The following CDS1 variants were observed in gnomAD, a reference collection of about 807,000 sequenced individuals.
CDS1 encodes the protein phosphatidate cytidylyltransferase 1.
A neutral mutation model predicts 62.1 loss-of-function variants in CDS1; 41 were observed. The observed-to-expected ratio is 0.66, with a 90% confidence interval of 0.51 to 0.86. The LOEUF (loss-of-function observed/expected upper bound fraction) is 0.86, where lower values mean the gene tolerates loss of function less well. Among genes scored for constraint, CDS1 ranks in the 40% least tolerant of loss-of-function variants. The probability of loss-of-function intolerance (pLI) is 0.00; values close to 1 mark genes in which losing one functional copy is unlikely to be tolerated. For missense variants in CDS1, 470 were observed against 550.1 expected, an observed-to-expected ratio of 0.85 and a Z score of 1.46; for synonymous variants, 185 against 192.6, an observed-to-expected ratio of 0.96 and a Z score of 0.32.
intron 6 of CDS1, 135 bp downstream of exon 6, chr4:84,632,012 A>G: frequency 1.7e-6 from 1 of 572,424 alleles, no homozygotes; most frequent in Non-Finnish European, 3.2e-6. Context: ...TGGATTTCAG[A>G]TGACCATTAG....
At position 84,619,481 on chromosome 4, in the gene CDS1, T is replaced by A. The variant is rs1205735010; in HGVS notation, c.528T>A (p.Leu176=). 1 of 1,604,518 alleles carries A rather than the reference T, an allele frequency of 6.2e-7. No homozygotes were observed. Among genetic ancestry groups the A allele is most frequent in the Admixed American group, 1.7e-5 (1 of 59,570 alleles). ...CATTTGTTCAAAGAGAAGAACAACTTCAGTTCCTCATTCGCTACCATAGAT... is the reference window on the plus strand; with the variant it reads ...CATTTGTTCAAAGAGAAGAACAACTACAGTTCCTCATTCGCTACCATAGAT... ...FATFVQREEQ[L]QFLIRYHRFI... Residue 176 remains leucine, a synonymous_variant, in exon 5 of 13, where the codon CTT becomes CTA. Transcript: ENST00000295887.
At chr4:84,590,020 C>T (rs769653631) in intron 1 of CDS1, among the ~76,000 whole-genome samples, 4 of 152,104 alleles carry the variant, frequency 2.6e-5, no homozygotes, top group Non-Finnish European at 5.9e-5. Flanking sequence ...ACAGTGTTAG[C>T]CAGGACGATC....
chr4:84,635,192 C>A, intron 7 of CDS1, 72 bp from the exon 8 acceptor site: 2 of 741,828 alleles, frequency 2.7e-6, no homozygotes, highest in Non-Finnish European at 4.6e-6. Flanking sequence ...TGAATCATAA[C>A]CTTTCCGAAT....
chr4:84,633,912 T>G lies in CDS1; in HGVS notation c.695T>G (p.Ile232Ser). The change falls in exon 7 of 13, where the codon ATC becomes AGC. Residue 232 changes from isoleucine (I) to serine (S), a missense_variant. Physicochemically the swap from Ile to Ser is moderately radical, Grantham distance 142 (BLOSUM62 -2). Transcript: ENST00000295887. ...ACTGTCACTCAGTCACACCTTGTCA[T>G]CCAAAATCTGTTTGAAGGCATGATA... ...LITVTQSHLV[I>S]QNLFEGMIWF... 1.9e-6 allele frequency: 3 copies of G among 1,604,304 alleles called. No individual in the cohort carries two copies. The highest frequency in any genetic ancestry group is 1.7e-6 in the Non-Finnish European group (2 of 1,174,594).
At position 84,590,018 on chromosome 4, in the gene CDS1, A is replaced by G. The variant is rs373621419; in HGVS notation, c.117+6500A>G. ...AGTAGAGACGGGGTTTCACAGTGTTAGCCAGGACGATCTCAATCTCCTGAC... is the reference window on the plus strand; with the variant it reads ...AGTAGAGACGGGGTTTCACAGTGTTGGCCAGGACGATCTCAATCTCCTGAC... On this transcript the variant is annotated intron_variant, in intron 1 of 12. Transcript: ENST00000295887. 1.7e-4 allele frequency among the ~76,000 whole-genome samples: 26 copies of G among 152,220 alleles called. No individual in the cohort carries two copies. In the East Asian group the frequency reaches 2.9e-3, roughly 17 times the overall value.
In CDS1 at chr4:84,635,300, C is replaced by T; in HGVS notation, c.759C>T (p.Asp253=). The change falls in exon 8 of 13, where the codon GAC becomes GAT. Residue 253 remains aspartate (D), a synonymous_variant. Transcript: ENST00000295887. ...CAATATCAAGTGTTATCTGCAATGA[C>T]ATAACTGCTTACCTTTTTGGATTTT... is the stretch of plus-strand genomic sequence containing the variant. ...LVPISSVICN[D]ITAYLFGFFF... The T allele has an allele frequency of 6.4e-7, 1 of 1,571,210 alleles. No individual in the cohort carries two copies. Among genetic ancestry groups the T allele is most frequent in the Non-Finnish European group, 8.7e-7 (1 of 1,151,670 alleles).
At chr4:84,618,274 C>T (rs1190297057) in intron 4 of CDS1, among the ~76,000 whole-genome samples, 1 of 152,056 alleles carries the variant, frequency 6.6e-6, no homozygotes, top group Non-Finnish European at 1.5e-5. Flanking sequence ...CTTTTTAAAA[C>T]AGATGGGGTT....
Position 84,600,480 on chromosome 4 carries a change from G to T in CDS1, c.118-3763G>T, listed in dbSNP as rs373198062. Among the ~76,000 whole-genome samples the T allele has an allele frequency of 5.3e-5, 8 of 152,296 alleles. No homozygotes were observed. In the East Asian group the frequency reaches 1.5e-3, roughly 29 times the overall value. ...GATTTATAGCTTTATATAAATGTCT[G>T]ATCTGTTTTGATTTAATTTTTATCT... On this transcript the variant is annotated intron_variant, in intron 1 of 12. Coordinates refer to ENST00000295887, the MANE Select transcript of CDS1 (RefSeq NM_001263.4).
chr4:84,600,528 G>GT (rs1722904368), intron 1 of CDS1, among the ~76,000 whole-genome samples: 1 of 152,098 alleles, frequency 6.6e-6, no homozygotes, highest in Non-Finnish European at 1.5e-5. Context: ...ATGGATCAAG[G>GT]TTTTTTGTTA....
rs1724630298 is a variant in CDS1 at position 84,648,838 on chromosome 4, A to G, written c.*152A>G. ...TCTGAAATTACTGTGAATATTTAACAAACACTTACTTGATCTATGTTATGA... is the reference window on the plus strand; with the variant it reads ...TCTGAAATTACTGTGAATATTTAACGAACACTTACTTGATCTATGTTATGA... On this transcript the variant is annotated 3_prime_UTR_variant, in exon 13 of 13. Transcript: ENST00000295887. The G allele has an allele frequency of 1.4e-6, 1 of 696,870 alleles. No homozygotes were observed. Among genetic ancestry groups the G allele is most frequent in the Non-Finnish European group, 2.3e-6 (1 of 439,558 alleles). 43.2% of individuals were successfully genotyped at this position (696,870 alleles called of 1,614,324 possible).
rs749413803 is a variant in CDS1, at chr4:84,583,452, G to A, written c.51G>A (p.Val17=). 1.3e-6 allele frequency: 2 copies of A among 1,587,138 alleles called. No homozygotes were observed. Among genetic ancestry groups the A allele is most frequent in the East Asian group, 2.4e-5 (1 of 42,488 alleles). The change falls in exon 1 of 13, where the codon GTG becomes GTA. Residue 17 remains valine (V), a synonymous_variant. Transcript: ENST00000295887. ...RGSCPGPREA[V]SPPHREGEAA... Reference sequence around the variant, plus strand: ...GCTGCCCCGGCCCCAGGGAAGCGGTGTCGCCGCCACACCGCGAGGGAGAGG... The same window carrying A: ...GCTGCCCCGGCCCCAGGGAAGCGGTATCGCCGCCACACCGCGAGGGAGAGG...
At chr4:84,633,641 T>C (rs1190074463) in intron 6 of CDS1, among the ~76,000 whole-genome samples, 1 of 152,192 alleles carries the variant, frequency 6.6e-6, no homozygotes, top group African/African-American at 2.4e-5. Flanking sequence ...TATATATAAA[T>C]TAAGGTTACT....
At position 84,650,408 on chromosome 4, in the gene CDS1, G is replaced by A. The variant is rs751407834; in HGVS notation, c.*1722G>A. The A allele has an allele frequency of 3.3e-5, 5 of 152,148 alleles. No individual in the cohort carries two copies. Among genetic ancestry groups the A allele is most frequent in the Non-Finnish European group, 5.9e-5 (4 of 68,026 alleles). 9.4% of individuals were successfully genotyped at this position (152,148 alleles called of 1,614,324 possible). On this transcript the variant is annotated 3_prime_UTR_variant, in exon 13 of 13. Transcript: ENST00000295887. ...GCATTTAAAATCAGGCCACCTACAA[G>A]TTTAATTTTCAACATCTCATGTTTT...
chr4:84,614,308 A>T (rs1723421890), intron 3 of CDS1, among the ~76,000 whole-genome samples: 1 of 152,180 alleles, frequency 6.6e-6, no homozygotes, highest in Admixed American at 6.5e-5. Flanking sequence ...CTTTATAATC[A>T]TTAGCTTTAC....
At chr4:84,626,145 C>A (rs904093073) in intron 5 of CDS1, among the ~76,000 whole-genome samples, 2 of 151,736 alleles carry the variant, frequency 1.3e-5, no homozygotes, top group Non-Finnish European at 2.9e-5. Context: ...CCAGCCTGGG[C>A]AACAAGAGCG....
chr4:84,595,901 T>C (rs1221902188), intron 1 of CDS1, among the ~76,000 whole-genome samples: 2 of 152,204 alleles, frequency 1.3e-5, no homozygotes, highest in East Asian at 3.8e-4. Flanking sequence ...TCTTAATGTA[T>C]AATAGAATGA....
At chr4:84,630,623 C>T (rs561723374) in intron 5 of CDS1, among the ~76,000 whole-genome samples, 10 of 152,058 alleles carry the variant, frequency 6.6e-5, no homozygotes, top group Admixed American at 6.6e-4. Flanking sequence ...TTCAATTTCT[C>T]TCTTGGAGAA....
At chr4:84,605,579 A>T (rs886763891) in intron 2 of CDS1, among the ~76,000 whole-genome samples, 1 of 152,048 alleles carries the variant, frequency 6.6e-6, no homozygotes, top group East Asian at 1.9e-4. Context: ...TCTTGTTCCC[A>T]GTTGTTTTCA....
chr4:84,606,617 T>A (rs1246834676), intron 2 of CDS1, among the ~76,000 whole-genome samples: 1 of 152,156 alleles, frequency 6.6e-6, no homozygotes, highest in Non-Finnish European at 1.5e-5. Context: ...TATTTTAACA[T>A]CCATTAATTA....
Sources: gnomAD v4.1 joint callset for allele counts (sites outside exome capture counted in the v4.1 genomes callset) on GRCh38, gnomAD v4.1.1 for gene constraint, MANE v1.5 for transcripts, NCBI Gene and HGNC (gene_info 2026-07-23, HGNC 2026-07-21) for gene names.